The following GSK3B variants were observed in gnomAD, a reference collection of about 807,000 sequenced individuals.
GSK3B encodes the protein glycogen synthase kinase 3 beta, also known as glycogen synthase kinase-3 beta.
GSK3B carries 15 observed loss-of-function variants against 56.4 expected under a neutral mutation model. That is an observed-to-expected ratio of 0.27 (90% CI 0.18 to 0.41). The LOEUF is 0.41. Among genes scored for constraint, GSK3B ranks in the 10% least tolerant of loss-of-function variants. The pLI, the probability that GSK3B is intolerant of heterozygous loss-of-function variation, is 1.00. For missense variants in GSK3B, 300 were observed against 513.4 expected (o/e 0.58, Z 4.02); for synonymous variants, 181 against 188.9 (o/e 0.96, Z 0.34).
chr3:119,999,219 G>A (rs1394700105), intron 2 of GSK3B, among the ~76,000 whole-genome samples: 1 of 152,144 alleles, frequency 6.6e-6, no homozygotes, highest in East Asian at 1.9e-4. Context: ...GATAGAAAGA[G>A]GTTATGACAC....
At chr3:119,841,809 C>T (rs1052218705) in intron 10 of GSK3B, among the ~76,000 whole-genome samples, 2 of 152,166 alleles carry the variant, frequency 1.3e-5, no homozygotes, top group Non-Finnish European at 2.9e-5. Context: ...GAAAAGAGAT[C>T]TTTCTTTCCA....
rs149867136 is a variant in GSK3B at position 119,861,318 on chromosome 3, C to A, written c.1096+2101G>T. On this transcript the variant is annotated intron_variant, in intron 9 of 10. Coordinates refer to ENST00000264235, the MANE Select transcript of GSK3B (RefSeq NM_001146156.2). Reference sequence around the variant, plus strand: ...CTGAGGTCAGGAGTTTAAAACCAGCCTGGCCAACATGGCGAAACCCCGTCT... The same window carrying A: ...CTGAGGTCAGGAGTTTAAAACCAGCATGGCCAACATGGCGAAACCCCGTCT... Among the ~76,000 whole-genome samples, 46 of 152,132 alleles carry A rather than the reference C, an allele frequency of 3.0e-4. No individual in the cohort carries two copies. In the East Asian group the frequency reaches 8.7e-3, roughly 29 times the overall value.
chr3:119,822,820 C>A lies in GSK3B; in HGVS notation c.*3968G>T, dbSNP rs181660262. The A allele has an allele frequency of 1.7e-3, 379 of 227,988 alleles. 2 individuals are homozygous for A. The highest frequency in any genetic ancestry group is 7.0e-3 in the African/African-American group (314 of 45,146). 14.1% of individuals were successfully genotyped at this position (227,988 alleles called of 1,614,324 possible). A position where few individuals can be genotyped will look rare whatever the true frequency, so the allele number is the denominator to read the frequency against. ...CAATTTCAGTTGAAAAGAAAGAAAA[C>A]CCCCCAAATTCCTGGGGATCTGGCA... On this transcript the variant is annotated 3_prime_UTR_variant, in exon 11 of 11. Transcript: ENST00000264235.
chr3:119,978,995 C>G (rs898478018), intron 2 of GSK3B, among the ~76,000 whole-genome samples: 1 of 152,202 alleles, frequency 6.6e-6, no homozygotes, highest in Non-Finnish European at 1.5e-5. Flanking sequence ...CTTCTTCTCA[C>G]CAGTCCACAT....
rs1387920457 is a variant in GSK3B at position 120,085,957 on chromosome 3, C to T, written c.88+7390G>A. Among the ~76,000 whole-genome samples the T allele has an allele frequency of 2.6e-5, 4 of 152,256 alleles. No individual in the cohort carries two copies. The South Asian group carries it at 8.3e-4, about 32-fold the overall frequency. Reference sequence around the variant, plus strand: ...ATTAAGCCCCTAAGAATTTCTCAGACCTCCAAAAGAAAAACTACTTTGCCA... The same window carrying T: ...ATTAAGCCCCTAAGAATTTCTCAGATCTCCAAAAGAAAAACTACTTTGCCA... On this transcript the variant is annotated intron_variant, in intron 1 of 10. Coordinates refer to ENST00000264235, the MANE Select transcript of GSK3B (RefSeq NM_001146156.2).
intron 1 of GSK3B, among the ~76,000 whole-genome samples, chr3:120,026,431 T>C (rs1344440899): frequency 6.6e-6 from 1 of 151,798 alleles, no homozygotes; most frequent in Non-Finnish European, 1.5e-5. Flanking sequence ...TAAGGATTTA[T>C]TACCGCAAGG....
chr3:120,057,381 A>T (rs2058199976), intron 1 of GSK3B, among the ~76,000 whole-genome samples: 1 of 152,202 alleles, frequency 6.6e-6, no homozygotes, highest in Admixed American at 6.5e-5. Flanking sequence ...TAAAGTATAC[A>T]TACTCTTCAA....
At chr3:119,927,426 G>T (rs1372132283) in intron 3 of GSK3B, among the ~76,000 whole-genome samples, 1 of 152,086 alleles carries the variant, frequency 6.6e-6, no homozygotes, top group African/African-American at 2.4e-5. Context: ...TTTTTTTAAA[G>T]CAGCGGGAAG....
chr3:119,844,939 A>G (rs1577311099), intron 9 of GSK3B, among the ~76,000 whole-genome samples: 1 of 152,364 alleles, frequency 6.6e-6, no homozygotes, highest in East Asian at 1.9e-4. Flanking sequence ...CGAATCTAGC[A>G]GCACCTTAAA....
intron 1 of GSK3B, among the ~76,000 whole-genome samples, chr3:120,054,556 C>G (rs2058177580): frequency 6.6e-6 from 1 of 152,200 alleles, no homozygotes; most frequent in South Asian, 2.1e-4. Flanking sequence ...GCCTTCAACA[C>G]AACCTGACCC....
intron 1 of GSK3B, among the ~76,000 whole-genome samples, chr3:120,044,942 A>G (rs2058091168): frequency 6.6e-6 from 1 of 152,160 alleles, no homozygotes; most frequent in Admixed American, 6.5e-5. Flanking sequence ...AGAATCAACA[A>G]CTCTTTTTCA....
chr3:119,888,246 C>T (rs1451623150), intron 7 of GSK3B, among the ~76,000 whole-genome samples: 2 of 152,056 alleles, frequency 1.3e-5, no homozygotes, highest in East Asian at 1.9e-4. Context: ...ACAACTGTTG[C>T]GGGAAGTCAG....
intron 1 of GSK3B, among the ~76,000 whole-genome samples, chr3:120,069,819 C>T (rs920136032): frequency 5.3e-5 from 8 of 152,136 alleles, no homozygotes; most frequent in African/African-American, 1.9e-4. Context: ...ACTTCCAGAT[C>T]CCTAGTGACA....
intron 1 of GSK3B, among the ~76,000 whole-genome samples, chr3:120,053,853 C>T (rs891065809): frequency 6.6e-6 from 1 of 152,180 alleles, no homozygotes; most frequent in African/African-American, 2.4e-5. Context: ...TGACTTGCTC[C>T]TCCTTGCTAT....
intron 1 of GSK3B, among the ~76,000 whole-genome samples, chr3:120,007,464 A>C (rs114595969): frequency 0.017 from 2,600 of 152,226 alleles, 64 homozygotes; most frequent in African/African-American, 0.056. Context: ...ACAACAACAA[A>C]AAAAAAGAAA....
intron 3 of GSK3B, among the ~76,000 whole-genome samples, chr3:119,939,740 A>G (rs2057028810): frequency 6.6e-6 from 1 of 152,192 alleles, no homozygotes; most frequent in African/African-American, 2.4e-5. Context: ...AAGGTCTAGC[A>G]TAACATCCAG....
intron 2 of GSK3B, among the ~76,000 whole-genome samples, chr3:119,949,113 T>C (rs775096240): frequency 8.5e-5 from 13 of 152,248 alleles, no homozygotes; most frequent in Non-Finnish European, 1.6e-4. Flanking sequence ...TTTTTTAACA[T>C]AGCCAACTAT....
Position 119,823,901 on chromosome 3 carries a change from A to C in GSK3B, c.*2887T>G. The stretch of plus-strand genomic sequence containing the variant: ...ACATGGATAAAGGAAACCAATTAAA[A>C]TTTAAAAAAGAACAAATTAAAAAAA... On this transcript the variant is annotated 3_prime_UTR_variant, in exon 11 of 11. Coordinates refer to ENST00000264235, the MANE Select transcript of GSK3B (RefSeq NM_001146156.2). 5.0e-6 allele frequency: 1 copy of C among 198,146 alleles called. No homozygotes were observed. The highest frequency in any genetic ancestry group is 1.0e-5 in the Non-Finnish European group (1 of 95,614). 12.3% of individuals were successfully genotyped at this position (198,146 alleles called of 1,614,324 possible). A position where few individuals can be genotyped will look rare whatever the true frequency, so the allele number is the denominator to read the frequency against.
At chr3:119,892,963 G>A (rs1011129169) in intron 7 of GSK3B, among the ~76,000 whole-genome samples, 1 of 152,028 alleles carries the variant, frequency 6.6e-6, no homozygotes, top group Admixed American at 6.6e-5. Flanking sequence ...ATAGAGGACT[G>A]ATATGAAATG....
Sources: gnomAD v4.1 joint callset for allele counts (sites outside exome capture counted in the v4.1 genomes callset) on GRCh38, gnomAD v4.1.1 for gene constraint, MANE v1.5 for transcripts, NCBI Gene and HGNC (gene_info 2026-07-23, HGNC 2026-07-21) for gene names.